Variants in ASPH observed in about 807,000 individuals in gnomAD.
ASPH encodes the protein aspartyl/asparaginyl beta-hydroxylase.
Under a neutral mutation model 118.4 loss-of-function variants are expected in ASPH, and 100 were observed. That is an observed-to-expected ratio of 0.84 (90% confidence interval 0.72 to 1.00). The LOEUF (loss-of-function observed/expected upper bound fraction) is 1.00, where lower values mean the gene tolerates loss of function less well. ASPH is among the 50% of genes least tolerant of loss of function. The probability of loss-of-function intolerance (pLI) is 0.00; values close to 1 mark genes in which losing one functional copy is unlikely to be tolerated. For synonymous variants in ASPH, 315 were observed against 325.6 expected (o/e 0.97, Z 0.35); for missense variants, 920 against 919.5 (o/e 1.00, Z -0.01).
chr8:61,612,039 A>G (rs1847552791), intron 14 of ASPH, among the ~76,000 whole-genome samples: 1 of 152,158 alleles, frequency 6.6e-6, no homozygotes, highest in Admixed American at 6.5e-5. Flanking sequence ...GGAAAAAAAA[A>G]AAAAGGAGCC....
rs150818515 is a variant in ASPH, at chr8:61,617,003, G to T, written c.976+1975C>A. On this transcript the variant is annotated intron_variant, in intron 14 of 24. Transcript: ENST00000379454. ...TTTTGAGGGGGAAAGATCAGGAGTCGGTTTTAGACTTGTTAAGTTTGAAGT... is the reference window on the plus strand; with the variant it reads ...TTTTGAGGGGGAAAGATCAGGAGTCTGTTTTAGACTTGTTAAGTTTGAAGT... 1.4e-3 allele frequency among the ~76,000 whole-genome samples: 219 copies of T among 152,272 alleles called. 1 individual carries two copies. Among genetic ancestry groups the T allele is most frequent in the African/African-American group, 4.5e-3 (187 of 41,562 alleles).
chr8:61,567,457 G>T, intron 16 of ASPH, 139 bp from the exon 17 acceptor site: 1 of 890,360 alleles, frequency 1.1e-6, no homozygotes, highest in Non-Finnish European at 1.6e-6. Context: ...CTTATCAAGA[G>T]ATAAAAAAAA....
intron 3 of ASPH, chr8:61,657,254 G>T (rs1814221215): frequency 6.6e-6 from 1 of 152,158 alleles, no homozygotes; most frequent in African/African-American, 2.4e-5. Flanking sequence ...GTTTCGGGTA[G>T]GGAACTGCAA....
intron 14 of ASPH, among the ~76,000 whole-genome samples, chr8:61,602,891 A>G (rs898988706): frequency 6.6e-6 from 1 of 152,160 alleles, no homozygotes; most frequent in African/African-American, 2.4e-5. Context: ...TACTGTTACC[A>G]TATCTAAAAA....
chr8:61,628,347 T>C, intron 13 of ASPH: 1 of 278,600 alleles, frequency 3.6e-6, no homozygotes, highest in Non-Finnish European at 6.8e-6. Flanking sequence ...TTTTTTTTTT[T>C]TTTAAGAGAT....
At chr8:61,643,486 C>T in intron 8 of ASPH, 53 bp from the exon 9 acceptor site, 1 of 1,512,500 alleles carries the variant, frequency 6.6e-7, no homozygotes, top group South Asian at 1.2e-5. Flanking sequence ...AACACATTGC[C>T]AGACAGCATT....
At chr8:61,627,875 T>A (rs1429315525) in intron 13 of ASPH, among the ~76,000 whole-genome samples, 2 of 152,104 alleles carry the variant, frequency 1.3e-5, no homozygotes. Context: ...TCTATCTCCA[T>A]TAACATTCTG....
At chr8:61,632,467 CT>C (rs1328173935) in intron 13 of ASPH, among the ~76,000 whole-genome samples, 1 of 152,118 alleles carries the variant, frequency 6.6e-6, no homozygotes. Flanking sequence ...AAACAGGGTA[CT>C]CTGTGAAGCA....
At chr8:61,704,188 C>A (rs185948406) in intron 1 of ASPH, among the ~76,000 whole-genome samples, 1,107 of 92,450 alleles carry the variant, frequency 0.012, 22 homozygotes, top group African/African-American at 0.049. Flanking sequence ...GAGCGAGACT[C>A]CGTCTCAAAA....
Position 61,598,571 on chromosome 8 carries a change from T to C in ASPH, c.977-14542A>G, listed in dbSNP as rs112425066. ...AAGTTCAACACCCCACTCTGAGTATTGGACAGATCAGCTAGACAGAAAACC... is the reference window on the plus strand; with the variant it reads ...AAGTTCAACACCCCACTCTGAGTATCGGACAGATCAGCTAGACAGAAAACC... On this transcript the variant is annotated intron_variant, in intron 14 of 24. Coordinates refer to ENST00000379454, the MANE Select transcript of ASPH (RefSeq NM_004318.4). 7.1e-3 allele frequency among the ~76,000 whole-genome samples: 1,088 copies of C among 152,316 alleles called. 11 individuals carry two copies. Among genetic ancestry groups the C allele is most frequent in the African/African-American group, 0.024 (1,000 of 41,572 alleles).
At chr8:61,665,935 TG>T (rs1364540672) in intron 3 of ASPH, among the ~76,000 whole-genome samples, 4 of 152,310 alleles carry the variant, frequency 2.6e-5, no homozygotes, top group East Asian at 1.9e-4. Flanking sequence ...ACTCACACTT[TG>T]TAACTATAAT....
intron 3 of ASPH, among the ~76,000 whole-genome samples, chr8:61,678,990 G>C (rs1283600077): frequency 6.6e-6 from 1 of 152,060 alleles, no homozygotes; most frequent in Non-Finnish European, 1.5e-5. Flanking sequence ...TCCAGTAACA[G>C]AGGCACCACT....
intron 12 of ASPH, among the ~76,000 whole-genome samples, chr8:61,636,699 T>C (rs1221252410): frequency 2.6e-5 from 4 of 152,210 alleles, no homozygotes; most frequent in Non-Finnish European, 5.9e-5. Context: ...TAGGGTCAAA[T>C]TGCATAGTTC....
chr8:61,648,913 G>T (rs911174329), intron 5 of ASPH, among the ~76,000 whole-genome samples: 1 of 152,180 alleles, frequency 6.6e-6, no homozygotes, highest in African/African-American at 2.4e-5. Flanking sequence ...GATTGGGCGG[G>T]GTGGGAAACA....
At chr8:61,709,123 T>A (rs1007242204) in intron 1 of ASPH, among the ~76,000 whole-genome samples, 2 of 152,096 alleles carry the variant, frequency 1.3e-5, no homozygotes, top group Non-Finnish European at 2.9e-5. Context: ...TGTGGCCAAT[T>A]TGATAGGAAC....
chr8:61,515,068 A>C (rs952391399), intron 24 of ASPH, among the ~76,000 whole-genome samples: 6 of 151,566 alleles, frequency 4.0e-5, no homozygotes, highest in African/African-American at 1.5e-4. Flanking sequence ...GGAGAGAGAA[A>C]AAATAGGAGG....
intron 8 of ASPH, 141 bp from the exon 9 acceptor site, chr8:61,643,574 T>C: frequency 1.2e-6 from 1 of 825,066 alleles, no homozygotes. Flanking sequence ...AAATTTAAGC[T>C]GAATAACGTT....
At chr8:61,643,555 C>A in intron 8 of ASPH, 122 bp from the exon 9 acceptor site, 1 of 970,428 alleles carries the variant, frequency 1.0e-6, no homozygotes, top group South Asian at 1.6e-5. Flanking sequence ...TTTTCATTAT[C>A]ATTTAATAAA....
At chr8:61,695,511 A>C (rs1357338630) in intron 1 of ASPH, among the ~76,000 whole-genome samples, 1 of 152,114 alleles carries the variant, frequency 6.6e-6, no homozygotes, top group Non-Finnish European at 1.5e-5. Flanking sequence ...GCACCATCAC[A>C]TACAACCCCC....
Sources: allele counts gnomAD v4.1 joint callset (sites outside exome capture counted in the v4.1 genomes callset), GRCh38; gene constraint gnomAD v4.1.1; transcripts MANE v1.5; gene names NCBI Gene and HGNC (gene_info 2026-07-23, HGNC 2026-07-21).